The following APBB1IP variants were observed in gnomAD, a reference collection of about 807,000 sequenced individuals.
APBB1IP encodes the protein amyloid beta A4 precursor protein-binding family B member 1-interacting protein.
In APBB1IP, 27 loss-of-function variants were observed where a neutral mutation model predicts 64.9. That is an observed-to-expected ratio of 0.42 (90% CI 0.31 to 0.57). The LOEUF (loss-of-function observed/expected upper bound fraction) is 0.57, where lower values mean the gene tolerates loss of function less well. Among genes scored for constraint, APBB1IP ranks in the 20% least tolerant of loss-of-function variants. The pLI, the probability that APBB1IP is intolerant of heterozygous loss-of-function variation, is 0.20. For missense variants in APBB1IP, 812 were observed against 845.5 expected (o/e 0.96, Z 0.49); for synonymous variants, 392 against 331.0 (o/e 1.18, Z -2.00).
chr10:26,438,757 C>T lies in APBB1IP; in HGVS notation c.-97C>T, dbSNP rs1156656484. On this transcript the variant is annotated 5_prime_UTR_variant, in exon 2 of 15. Coordinates refer to ENST00000376236, the MANE Select transcript of APBB1IP (RefSeq NM_019043.4). ...AGCACTTCCTCCCCGGGGCAGCGACCTGGAGCCCGGGTGCGGCAGTCTGCA... is the reference window on the plus strand; with the variant it reads ...AGCACTTCCTCCCCGGGGCAGCGACTTGGAGCCCGGGTGCGGCAGTCTGCA... The T allele has an allele frequency of 6.6e-6, 1 of 152,438 alleles. No homozygotes were observed. Among genetic ancestry groups the T allele is most frequent in the Middle Eastern group, 3.4e-3 (1 of 294 alleles). The allele number at this position is 152,438 out of a possible 1,614,324, so 9.4% of individuals were successfully genotyped here.
chr10:26,556,830 A>T (rs1836900421), intron 11 of APBB1IP, among the ~76,000 whole-genome samples: 1 of 152,208 alleles, frequency 6.6e-6, no homozygotes, highest in African/African-American at 2.4e-5. Context: ...AAGAACAATT[A>T]TAAACATTCA....
rs1028518841 is a variant in APBB1IP, at chr10:26,521,118, C to T, written c.813+7458C>T. Among the ~76,000 whole-genome samples the T allele has an allele frequency of 2.6e-5, 4 of 152,262 alleles. No individual in the cohort carries two copies. In the East Asian group the frequency reaches 7.7e-4, roughly 29 times the overall value. ...TGATGGCTGCTGTTATGCACTGTTC[C>T]ATTTGAAAGTAACTTATCAGCTTTT... On this transcript the variant is annotated intron_variant, in intron 8 of 14. Coordinates refer to ENST00000376236, the MANE Select transcript of APBB1IP (RefSeq NM_019043.4).
chr10:26,451,519 G>A (rs1373373167), intron 2 of APBB1IP, among the ~76,000 whole-genome samples: 4 of 152,216 alleles, frequency 2.6e-5, no homozygotes, highest in South Asian at 2.1e-4. Flanking sequence ...TAAATGATGC[G>A]TTCTGCTTTT....
chr10:26,510,810 C>T (rs1258352728), intron 6 of APBB1IP, among the ~76,000 whole-genome samples: 1 of 151,444 alleles, frequency 6.6e-6, no homozygotes, highest in Non-Finnish European at 1.5e-5. Context: ...GCCTGCAAAA[C>T]AGCTTATTTC....
intron 2 of APBB1IP, among the ~76,000 whole-genome samples, chr10:26,473,498 T>C (rs1835743140): frequency 6.6e-6 from 1 of 152,230 alleles, no homozygotes; most frequent in African/African-American, 2.4e-5. Flanking sequence ...AAAATGATGT[T>C]GTGTGATCCA....
At chr10:26,518,271 A>T (rs1423271221) in intron 8 of APBB1IP, among the ~76,000 whole-genome samples, 22 of 105,802 alleles carry the variant, frequency 2.1e-4, no homozygotes, top group African/African-American at 6.0e-4. Flanking sequence ...TTTTTTTTTT[A>T]AAGAGTCCTT....
chr10:26,495,991 TTATA>T (rs1416259240), intron 3 of APBB1IP, among the ~76,000 whole-genome samples: 1 of 141,534 alleles, frequency 7.1e-6, no homozygotes, highest in Admixed American at 7.2e-5. Flanking sequence ...AATATATATA[TTATA>T]TATATATAGT....
chr10:26,503,557 C>A (rs1836133384), intron 6 of APBB1IP, among the ~76,000 whole-genome samples: 1 of 152,090 alleles, frequency 6.6e-6, no homozygotes, highest in Admixed American at 6.5e-5. Context: ...ATTGCTTGAA[C>A]CCAGGAGGTG....
intron 2 of APBB1IP, among the ~76,000 whole-genome samples, chr10:26,443,809 T>A (rs1414084284): frequency 6.6e-6 from 1 of 152,074 alleles, no homozygotes; most frequent in Non-Finnish European, 1.5e-5. Flanking sequence ...AGTCTTGGGA[T>A]CACAGACATG....
At chr10:26,445,976 A>G (rs1835393689) in intron 2 of APBB1IP, among the ~76,000 whole-genome samples, 1 of 152,240 alleles carries the variant, frequency 6.6e-6, no homozygotes, top group Admixed American at 6.5e-5. Context: ...ATGCTGCTAA[A>G]AGGTATTCAT....
At chr10:26,488,390 C>T (rs143063020) in intron 2 of APBB1IP, among the ~76,000 whole-genome samples, 197 of 152,174 alleles carry the variant, frequency 1.3e-3, no homozygotes, top group African/African-American at 4.6e-3. Flanking sequence ...CACGTGCCCC[C>T]ACACCTGGCT....
chr10:26,444,049 A>T (rs1835365682), intron 2 of APBB1IP, among the ~76,000 whole-genome samples: 1 of 152,192 alleles, frequency 6.6e-6, no homozygotes, highest in African/African-American at 2.4e-5. Flanking sequence ...GTGAAGTTGC[A>T]ATATGCGATA....
At chr10:26,499,370 G>A (rs1185830272) in intron 4 of APBB1IP, among the ~76,000 whole-genome samples, 1 of 151,918 alleles carries the variant, frequency 6.6e-6, no homozygotes, top group African/African-American at 2.4e-5. Context: ...AAAATAAACT[G>A]TTTTTACACG....
intron 2 of APBB1IP, among the ~76,000 whole-genome samples, chr10:26,480,094 C>T (rs1002008822): frequency 1.3e-5 from 2 of 152,198 alleles, no homozygotes; most frequent in African/African-American, 4.8e-5. Flanking sequence ...AGCCAGGAAG[C>T]TTGGATCAAG....
intron 2 of APBB1IP, among the ~76,000 whole-genome samples, chr10:26,467,340 C>T (rs1239094165): frequency 2.6e-5 from 4 of 151,878 alleles, no homozygotes; most frequent in Non-Finnish European, 4.4e-5. Context: ...TACTTACTTG[C>T]CTTTGCCTTT....
At position 26,500,855 on chromosome 10, in the gene APBB1IP, C is replaced by T. The variant is rs755372623; in HGVS notation, c.197C>T (p.Ala66Val). The T allele has an allele frequency of 1.9e-6, 3 of 1,613,970 alleles. No individual in the cohort carries two copies. The highest frequency in any genetic ancestry group is 2.7e-5 in the African/African-American group (2 of 74,938). The change falls in exon 5 of 15, where the codon GCT (alanine) becomes GTT (valine). Residue 66 changes from alanine to valine, a missense_variant. By Grantham distance (64) the Ala-to-Val change is moderately conservative. Around this residue, in one of 3 missense-constraint regions of APBB1IP, gnomAD observed 394 missense variants for 413.1 expected, o/e 0.95. Coordinates refer to ENST00000376236, the MANE Select transcript of APBB1IP (RefSeq NM_019043.4). ...LNALEDQDLDALMADLVADIS... is the reference protein window; with the variant it reads ...LNALEDQDLDVLMADLVADIS... ...GCACTGGAAGACCAAGATTTAGATG[C>T]TCTCATGGCAGATCTGGTAGCAGAC... is the stretch of plus-strand genomic sequence containing the variant.
intron 2 of APBB1IP, among the ~76,000 whole-genome samples, chr10:26,445,651 A>T (rs1254869975): frequency 1.3e-5 from 2 of 152,212 alleles, no homozygotes; most frequent in African/African-American, 4.8e-5. Context: ...TAGGACAGAG[A>T]CCTTTCCCAC....
At chr10:26,455,083 G>A (rs919698294) in intron 2 of APBB1IP, among the ~76,000 whole-genome samples, 8 of 152,260 alleles carry the variant, frequency 5.3e-5, no homozygotes, top group African/African-American at 1.9e-4. Flanking sequence ...GGAAATGGAT[G>A]AGACAGGATG....
At chr10:26,440,118 C>T (rs907473292) in intron 2 of APBB1IP, among the ~76,000 whole-genome samples, 5 of 152,166 alleles carry the variant, frequency 3.3e-5, no homozygotes, top group Non-Finnish European at 7.4e-5. Flanking sequence ...AATCCTTAAA[C>T]TATTAATAAT....
Sources: allele counts gnomAD v4.1 joint callset (sites outside exome capture counted in the v4.1 genomes callset), GRCh38; gene constraint gnomAD v4.1.1; regional missense constraint gnomAD v4.1.1; transcripts MANE v1.5; gene names NCBI Gene and HGNC (gene_info 2026-07-23, HGNC 2026-07-21).